The following ADGRF5 variants were observed in gnomAD, a reference collection of about 807,000 sequenced individuals.
The protein encoded by ADGRF5 is G-protein coupled receptor 116.
Under a neutral mutation model 132.3 loss-of-function variants are expected in ADGRF5, and 75 were observed. That is an observed-to-expected ratio of 0.57 (90% CI 0.47 to 0.69). The LOEUF is 0.69. Among genes scored for constraint, ADGRF5 ranks in the 30% least tolerant of loss-of-function variants. ADGRF5 has a pLI of 0.00. For synonymous variants in ADGRF5, 629 were observed against 597.6 expected, an observed-to-expected ratio of 1.05 and a Z score of -0.77; for missense variants, 1,516 against 1,630.6, an observed-to-expected ratio of 0.93 and a Z score of 1.21.
At chr6:46,953,651 G>GTATATA (rs61302381) in intron 1 of ADGRF5, among the ~76,000 whole-genome samples, 3,923 of 41,354 alleles carry the variant, frequency 0.095, 135 homozygotes, top group Non-Finnish European at 0.12. Flanking sequence ...AGATATATGT[G>GTATATA]TATATATATA....
intron 1 of ADGRF5, among the ~76,000 whole-genome samples, chr6:46,908,444 C>T (rs1411130353): frequency 6.6e-6 from 1 of 152,042 alleles, no homozygotes; most frequent in Non-Finnish European, 1.5e-5. Context: ...ATCAAGGAGA[C>T]GAGACTTAGT....
chr6:46,868,262 C>T (rs1770670204), intron 12 of ADGRF5, among the ~76,000 whole-genome samples: 1 of 152,138 alleles, frequency 6.6e-6, no homozygotes, highest in African/African-American at 2.4e-5. Flanking sequence ...TTTACTGAGT[C>T]TCAGTTTCCT....
At chr6:46,892,265 C>A (rs1278925705) in intron 3 of ADGRF5, among the ~76,000 whole-genome samples, 2 of 151,128 alleles carry the variant, frequency 1.3e-5, no homozygotes, top group Non-Finnish European at 2.9e-5. Context: ...GTAAATGGGA[C>A]CACTTTGTAA....
At chr6:46,870,749 C>T in intron 11 of ADGRF5, 1 of 385,404 alleles carries the variant, frequency 2.6e-6, no homozygotes, top group Non-Finnish European at 5.2e-6. Context: ...TTAACATGTC[C>T]CTAAGACAGG....
chr6:46,879,421 A>C (rs1442425883), intron 9 of ADGRF5, among the ~76,000 whole-genome samples: 1 of 151,764 alleles, frequency 6.6e-6, no homozygotes, highest in Admixed American at 6.6e-5. Flanking sequence ...CATGATAGGG[A>C]GTGAGTTCTC....
chr6:46,864,815 C>G (rs1467555001), intron 14 of ADGRF5, among the ~76,000 whole-genome samples: 2 of 152,134 alleles, frequency 1.3e-5, no homozygotes, highest in Non-Finnish European at 2.9e-5. Flanking sequence ...TGAGCCACCG[C>G]ACCCGGCCAA....
chr6:46,878,532 G>A (rs1028493453), intron 9 of ADGRF5, 127 bp from the exon 10 acceptor site: 20 of 651,614 alleles, frequency 3.1e-5, no homozygotes, highest in Non-Finnish European at 5.0e-5. Flanking sequence ...TCTGAGACTT[G>A]GTCTAAAGAC....
rs376568074 is a variant in ADGRF5, at chr6:46,915,488, A to G, written c.-25+6225T>C. Among the ~76,000 whole-genome samples, 506 of 152,140 alleles carry G rather than the reference A, an allele frequency of 3.3e-3. 3 individuals are homozygous for G. The highest frequency in any genetic ancestry group is 0.031 in the Middle Eastern group (9 of 294). ...GGGGAGGCACTCCAGGGGCTGGAGG[A>G]AGCAGTTATTTGCAATGTGGCTTAA... On this transcript the variant is annotated intron_variant, in intron 1 of 20. Transcript: ENST00000283296.
chr6:46,940,458 C>T (rs1287301837), intron 1 of ADGRF5, among the ~76,000 whole-genome samples: 1 of 152,178 alleles, frequency 6.6e-6, no homozygotes, highest in Non-Finnish European at 1.5e-5. Flanking sequence ...TCCCAGCCTC[C>T]TCCTGCCTTA....
chr6:46,863,396 C>G, intron 14 of ADGRF5: 1 of 476,736 alleles, frequency 2.1e-6, no homozygotes, highest in Non-Finnish European at 4.1e-6. Flanking sequence ...TTTGAAAACA[C>G]CAGTGTCTGG....
rs186477471 is a variant in ADGRF5 at position 46,910,500 on chromosome 6, T to C, written c.-24-3714A>G. ...AGCTCTCTGCAAGGGTTACGCCCTC[T>C]AACCCTCTCAAGGAGCCTCTGATAC... On this transcript the variant is annotated intron_variant, in intron 1 of 20. Transcript: ENST00000283296. 3.2e-3 allele frequency among the ~76,000 whole-genome samples: 483 copies of C among 152,262 alleles called. 3 individuals carry two copies. The highest frequency in any genetic ancestry group is 0.031 in the Middle Eastern group (9 of 294).
intron 8 of ADGRF5, among the ~76,000 whole-genome samples, chr6:46,880,299 G>A (rs1772308606): frequency 6.6e-6 from 1 of 151,874 alleles, no homozygotes; most frequent in Non-Finnish European, 1.5e-5. Flanking sequence ...CAGTAATGGA[G>A]ATTTTAAAGC....
At position 46,856,908 on chromosome 6, in the gene ADGRF5, C is replaced by T. The variant is rs1769119393; in HGVS notation, c.3775G>A (p.Gly1259Arg). The T allele has an allele frequency of 6.2e-7, 1 of 1,603,578 alleles. No individual in the cohort carries two copies. The highest frequency in any genetic ancestry group is 8.5e-7 in the Non-Finnish European group (1 of 1,172,570). ...IIFAILNVFQ[G>R]LFILLFGCLW... ...CATCCAAAGAGTAAAATGAATAATCCCTGAGAAAAAAAAGATTGAAAAGAA... is the reference window on the plus strand; with the variant it reads ...CATCCAAAGAGTAAAATGAATAATCTCTGAGAAAAAAAAGATTGAAAAGAA... Residue 1259 changes from glycine (G) to arginine (R), a missense_variant and splice_region_variant, in exon 18 of 21, where the codon GGA becomes AGA. Physicochemically the swap from Gly to Arg is moderately radical, Grantham distance 125. Around this residue, in one of 2 missense-constraint regions of ADGRF5, gnomAD observed 571 missense variants for 701.2 expected, o/e 0.81. Transcript: ENST00000283296.
chr6:46,936,817 G>T (rs1777853084), intron 1 of ADGRF5, among the ~76,000 whole-genome samples: 1 of 152,184 alleles, frequency 6.6e-6, no homozygotes. Context: ...CCAGCGGGAG[G>T]TTGTAGTATG....
chr6:46,921,237 T>G (rs757800832), intron 1 of ADGRF5, among the ~76,000 whole-genome samples: 2 of 152,174 alleles, frequency 1.3e-5, no homozygotes, highest in Non-Finnish European at 2.9e-5. Flanking sequence ...GGAAGGACTC[T>G]CCCGAAGCTG....
chr6:46,883,413 A>G, intron 6 of ADGRF5, 146 bp downstream of exon 6: 1 of 624,336 alleles, frequency 1.6e-6, no homozygotes, highest in Non-Finnish European at 2.9e-6. Flanking sequence ...TTGAGCACAT[A>G]TTAATTCACC....
intron 16 of ADGRF5, among the ~76,000 whole-genome samples, chr6:46,860,156 G>A (rs993804394): frequency 6.6e-6 from 1 of 152,104 alleles, no homozygotes; most frequent in Non-Finnish European, 1.5e-5. Flanking sequence ...CTCTCACTGG[G>A]CTCTGCACTG....
intron 1 of ADGRF5, among the ~76,000 whole-genome samples, chr6:46,921,073 A>G (rs1776890081): frequency 6.6e-6 from 1 of 152,200 alleles, no homozygotes; most frequent in South Asian, 2.1e-4. Context: ...CACATCATAG[A>G]GTTGCTCCTT....
chr6:46,856,865 A>G lies in ADGRF5; in HGVS notation c.3816+2T>C. On this transcript the variant is annotated splice_donor_variant, in intron 18 of 20. Coordinates refer to ENST00000283296, the MANE Select transcript of ADGRF5 (RefSeq NM_001098518.2). LOFTEE classifies it high-confidence loss of function. ...GAAACATGAAACTGTCATTGCTCTT[A>G]CCTTCAGATCCCAGAGGCATCCAAA... 6.2e-7 allele frequency: 1 copy of G among 1,609,926 alleles called. No homozygotes were observed. Among genetic ancestry groups the G allele is most frequent in the Non-Finnish European group, 8.5e-7 (1 of 1,177,988 alleles).
Sources: gnomAD v4.1 joint callset for allele counts (sites outside exome capture counted in the v4.1 genomes callset) on GRCh38, gnomAD v4.1.1 for gene constraint, gnomAD v4.1.1 regional missense constraint, MANE v1.5 for transcripts, NCBI Gene and HGNC (gene_info 2026-07-23, HGNC 2026-07-21) for gene names.